The following RMND1 variants were observed in gnomAD, a reference collection of about 807,000 sequenced individuals.
RMND1 encodes the protein required for meiotic nuclear division 1 homolog.
RMND1 carries 41 observed loss-of-function variants against 54.0 expected under a neutral mutation model. The observed-to-expected ratio is 0.76, with a 90% CI of 0.59 to 0.98. The LOEUF is 0.98. RMND1 is among the 50% of genes least tolerant of loss of function. RMND1 has a pLI of 0.00. For missense variants in RMND1, 457 were observed against 532.0 expected, an observed-to-expected ratio of 0.86 and a Z score of 1.39; for synonymous variants, 183 against 181.7, an observed-to-expected ratio of 1.01 and a Z score of -0.06.
At chr6:151,421,198 A>G (rs1386744002) in intron 9 of RMND1, 47 bp downstream of exon 9, 2 of 1,330,784 alleles carry the variant, frequency 1.5e-6, no homozygotes, top group South Asian at 2.5e-5. Context: ...TGTTTTCTTG[A>G]GATTGTTAAA....
At chr6:151,439,662 A>G (rs924847960) in intron 2 of RMND1, among the ~76,000 whole-genome samples, 3 of 151,824 alleles carry the variant, frequency 2.0e-5, no homozygotes, top group Admixed American at 6.6e-5. Flanking sequence ...TTTTTACTTT[A>G]TTATTATTAT....
At chr6:151,438,165 A>AAGG (rs749421148) in intron 2 of RMND1, among the ~76,000 whole-genome samples, 1 of 152,212 alleles carries the variant, frequency 6.6e-6, no homozygotes, top group Non-Finnish European at 1.5e-5. Context: ...AGTTCTTTTT[A>AAGG]AGGCTTCATG....
intron 9 of RMND1, chr6:151,418,492 T>C (rs1780069075): frequency 6.6e-6 from 1 of 152,158 alleles, no homozygotes; most frequent in Admixed American, 6.5e-5. Flanking sequence ...TGTCTTCATA[T>C]GTCACCCAGT....
At chr6:151,415,384 C>G (rs189018314) in intron 10 of RMND1, among the ~76,000 whole-genome samples, 4 of 150,550 alleles carry the variant, frequency 2.7e-5, no homozygotes, top group African/African-American at 4.9e-5. Context: ...AAGTTATATA[C>G]GTAAGATGTA....
At position 151,445,714 on chromosome 6, in the gene RMND1, A is replaced by C. The variant is rs748353935; in HGVS notation, c.98T>G (p.Leu33Arg). The C allele has an allele frequency of 1.9e-6, 3 of 1,614,172 alleles. No individual in the cohort carries two copies. The highest frequency in any genetic ancestry group is 2.5e-6 in the Non-Finnish European group (3 of 1,180,042). The change falls in exon 2 of 12, where the codon CTT (leucine) becomes CGT (arginine). Residue 33 changes from leucine to arginine, a missense_variant. By Grantham distance (102) the Leu-to-Arg change is moderately radical. Transcript: ENST00000444024. Reference protein sequence around the residue: ...RRIGHLMLKPLKEFENTTCST... With the variant: ...RRIGHLMLKPRKEFENTTCST... The stretch of plus-strand genomic sequence containing the variant: ...GCATGTTGTATTTTCAAATTCCTTA[A>C]GTGGTTTTAACATTAGATGACCGAT...
chr6:151,430,579 T>C (rs1015393282), intron 4 of RMND1, among the ~76,000 whole-genome samples: 1 of 152,204 alleles, frequency 6.6e-6, no homozygotes, highest in Non-Finnish European at 1.5e-5. Flanking sequence ...GGGCTATGCC[T>C]GGATTTTTGT....
Position 151,436,442 on chromosome 6 carries a change from G to C in RMND1, c.613+4C>G. 1 of 1,613,782 alleles carries C rather than the reference G, an allele frequency of 6.2e-7. No homozygotes were observed. Among genetic ancestry groups the C allele is most frequent in the Non-Finnish European group, 8.5e-7 (1 of 1,179,718 alleles). On this transcript the variant is annotated splice_donor_region_variant and intron_variant, in intron 3 of 11. Transcript: ENST00000444024. The stretch of plus-strand genomic sequence containing the variant: ...TACTTGGCCCCAGGTTCAAGAAGAA[G>C]TACCTCTAGGCAAGCTTGTTACTTC...
intron 1 of RMND1, among the ~76,000 whole-genome samples, chr6:151,446,652 C>T (rs150529722): frequency 1.7e-3 from 253 of 152,248 alleles, no homozygotes; most frequent in Non-Finnish European, 3.2e-3. Context: ...CCTGTAATCC[C>T]AGCACTCTGG....
chr6:151,431,475 G>A (rs1419033454), intron 4 of RMND1, among the ~76,000 whole-genome samples: 1 of 152,144 alleles, frequency 6.6e-6, no homozygotes. Flanking sequence ...GCAGGGATAA[G>A]GTTTCAGGAT....
intron 8 of RMND1, 117 bp downstream of exon 8, chr6:151,422,424 C>G (rs774275199): frequency 2.0e-6 from 1 of 510,654 alleles, no homozygotes; most frequent in Non-Finnish European, 3.4e-6. Flanking sequence ...CCAGTGGGGT[C>G]TTGGAACAAA....
chr6:151,445,463 TA>T lies in RMND1; in HGVS notation c.348del (p.Lys117AsnfsTer4), dbSNP rs1780927255. The T allele has an allele frequency of 6.2e-7, 1 of 1,614,116 alleles. No individual in the cohort carries two copies. The highest frequency in any genetic ancestry group is 1.1e-5 in the South Asian group (1 of 91,088). ...CTCTTTAATATTTTTATAAACCATT[TA>T]GAACCCAACAGATTTGGTTTGTGGG... Reference protein sequence around the residue: ...RVTHKPNLLGSKWFIKILKRH... With the variant: ...RVTHKPNLLGXKWFIKILKRH... On this transcript the variant is annotated frameshift_variant, in exon 2 of 12. Coordinates refer to ENST00000444024, the MANE Select transcript of RMND1 (RefSeq NM_017909.4). LOFTEE classifies it high-confidence loss of function.
intron 3 of RMND1, among the ~76,000 whole-genome samples, chr6:151,435,430 G>A (rs1201236560): frequency 6.6e-6 from 1 of 152,144 alleles, no homozygotes; most frequent in Non-Finnish European, 1.5e-5. Flanking sequence ...ACAGGCCTGA[G>A]CCACCATGGC....
At chr6:151,433,311 A>G (rs1237145629) in intron 3 of RMND1, 81 bp from the exon 4 acceptor site, 1 of 807,826 alleles carries the variant, frequency 1.2e-6, no homozygotes, top group Admixed American at 2.3e-5. Context: ...ACTGTAATAA[A>G]GTACTTAAGA....
At chr6:151,441,202 A>T (rs9478206) in intron 2 of RMND1, among the ~76,000 whole-genome samples, 13,283 of 152,154 alleles carry the variant, frequency 0.087, 1,703 homozygotes, top group African/African-American at 0.28. Flanking sequence ...ACATTTTTTT[A>T]AAAATTATAC....
At chr6:151,438,868 C>A (rs1422049578) in intron 2 of RMND1, among the ~76,000 whole-genome samples, 1 of 151,400 alleles carries the variant, frequency 6.6e-6, no homozygotes, top group Non-Finnish European at 1.5e-5. Context: ...AATCCCAGAA[C>A]TTTGGGAGGC....
intron 6 of RMND1, among the ~76,000 whole-genome samples, chr6:151,424,889 C>CT (rs201315361): frequency 6.6e-6 from 1 of 151,984 alleles, no homozygotes; most frequent in African/African-American, 2.4e-5. Flanking sequence ...TGATGGAGGG[C>CT]GGCATCTGCT....
chr6:151,444,664 T>C (rs1397313445), intron 2 of RMND1: 1 of 134,898 alleles, frequency 7.4e-6, no homozygotes, highest in Non-Finnish European at 1.7e-5. Context: ...AACATTTAAG[T>C]ACAAGGTACA....
At chr6:151,415,485 C>G (rs148457754) in intron 10 of RMND1, among the ~76,000 whole-genome samples, 128 of 152,028 alleles carry the variant, frequency 8.4e-4, no homozygotes, top group Non-Finnish European at 1.2e-3. Flanking sequence ...TCAGTAACCA[C>G]AGGAAGACAG....
chr6:151,451,931 GTA>G (rs1781214680), intron 1 of RMND1, 83 bp downstream of exon 1: 1 of 153,364 alleles, frequency 6.5e-6, no homozygotes, highest in East Asian at 1.9e-4. Context: ...ACCCGTAACT[GTA>G]CACGTTCCGG....
Sources: allele counts gnomAD v4.1 joint callset (sites outside exome capture counted in the v4.1 genomes callset), GRCh38; gene constraint gnomAD v4.1.1; transcripts MANE v1.5; gene names NCBI Gene and HGNC (gene_info 2026-07-23, HGNC 2026-07-21).